Variants in NTN1 observed in about 807,000 individuals in gnomAD.
The protein encoded by NTN1 is netrin 1, also known as netrin-1.
Under a neutral mutation model 54.2 loss-of-function variants are expected in NTN1, and 11 were observed. That is an observed-to-expected ratio of 0.20 (90% CI 0.13 to 0.34). The LOEUF (loss-of-function observed/expected upper bound fraction) is 0.34. NTN1 is among the 10% of genes least tolerant of loss of function. NTN1 has a pLI of 1.00. For synonymous variants in NTN1, 371 were observed against 382.0 expected, an observed-to-expected ratio of 0.97 and a Z score of 0.33; for missense variants, 740 against 893.1, an observed-to-expected ratio of 0.83 and a Z score of 2.18.
At chr17:9,098,744 G>A (rs2092140077) in intron 2 of NTN1, among the ~76,000 whole-genome samples, 2 of 152,152 alleles carry the variant, frequency 1.3e-5, no homozygotes, top group African/African-American at 2.4e-5. Flanking sequence ...AATCGTAGGG[G>A]AGATTATGGT....
intron 2 of NTN1, among the ~76,000 whole-genome samples, chr17:9,161,645 G>T (rs1032616050): frequency 6.6e-6 from 1 of 152,156 alleles, no homozygotes; most frequent in African/African-American, 2.4e-5. Flanking sequence ...TGGCGTGGTG[G>T]TGTGCACCTG....
chr17:9,174,319 T>A (rs1294665244), intron 3 of NTN1: 2 of 152,002 alleles, frequency 1.3e-5, no homozygotes, highest in Non-Finnish European at 2.9e-5. Context: ...ATTGGTGGAG[T>A]GGTGGGGCAG....
chr17:9,208,681 C>G (rs562400918), intron 5 of NTN1, among the ~76,000 whole-genome samples: 1 of 152,336 alleles, frequency 6.6e-6, no homozygotes, highest in African/African-American at 2.4e-5. Flanking sequence ...AGCTTAGGTC[C>G]TGTTTTTTCC....
chr17:9,187,497 G>A (rs2142323887), intron 5 of NTN1, among the ~76,000 whole-genome samples: 1 of 152,204 alleles, frequency 6.6e-6, no homozygotes, highest in South Asian at 2.1e-4. Flanking sequence ...TATCTATACA[G>A]GGACTATTAT....
chr17:9,141,832 C>T (rs1456120591), intron 2 of NTN1, among the ~76,000 whole-genome samples: 4 of 151,996 alleles, frequency 2.6e-5, no homozygotes, highest in African/African-American at 4.8e-5. Context: ...GAAGCTGAGG[C>T]GGGTGGATCA....
At chr17:9,204,308 C>T (rs939186175) in intron 5 of NTN1, among the ~76,000 whole-genome samples, 3 of 124,294 alleles carry the variant, frequency 2.4e-5, no homozygotes, top group Non-Finnish European at 4.9e-5. Context: ...CTCTCTCTCT[C>T]TTTCTTTCTG....
chr17:9,021,246 C>T (rs2091845848), upstream of NTN1, among the ~76,000 whole-genome samples: 2 of 151,444 alleles, frequency 1.3e-5, no homozygotes. Flanking sequence ...CCACGGGGTG[C>T]GCGCCTGGCC....
rs918724764 is a variant in NTN1, at chr17:9,163,123, ATCTC to A, written c.1207+130_1207+133del. The A allele has an allele frequency of 1.4e-5, 12 of 865,980 alleles. No homozygotes were observed. The African/African-American group carries it at 1.6e-4, about 11-fold the overall frequency. The allele number at this position is 865,980 out of a possible 1,614,324, so 53.6% of individuals were successfully genotyped here. A position where few individuals can be genotyped will look rare whatever the true frequency, so the allele number is the denominator to read the frequency against. On this transcript the variant is annotated intron_variant, in intron 3 of 6. Transcript: ENST00000173229. ...GTACAAATTGGCGTTGTCTGAGGTC[ATCTC>A]TCTCTCTTTCTCTCTCTGTGACACA...
At chr17:9,019,042 A>G (rs1040751051), upstream of NTN1, among the ~76,000 whole-genome samples, 11 of 152,222 alleles carry the variant, frequency 7.2e-5, no homozygotes, top group African/African-American at 2.7e-4. Context: ...TGTGTAATGA[A>G]CATGGTCTCC....
At chr17:9,096,667 A>G (rs7214848) in intron 2 of NTN1, among the ~76,000 whole-genome samples, 108,610 of 152,020 alleles carry the variant, frequency 0.71, 39,347 homozygotes, top group East Asian at 0.96. Context: ...CACCGCACCC[A>G]GCCCATCATA....
chr17:9,202,055 C>CACACACGCAA (rs1555575849), intron 5 of NTN1, among the ~76,000 whole-genome samples: 1 of 48,316 alleles, frequency 2.1e-5, no homozygotes, highest in Non-Finnish European at 3.4e-5. Flanking sequence ...CACACACACA[C>CACACACGCAA]AAAAAAAAAA....
chr17:9,058,185 C>T (rs34613904), intron 2 of NTN1, among the ~76,000 whole-genome samples: 4 of 152,110 alleles, frequency 2.6e-5, no homozygotes, highest in African/African-American at 4.8e-5. Flanking sequence ...CCACTATGTT[C>T]GTCCTATTTA....
intron 2 of NTN1, among the ~76,000 whole-genome samples, chr17:9,146,886 T>C (rs2092315103): frequency 6.6e-6 from 1 of 152,094 alleles, no homozygotes; most frequent in Non-Finnish European, 1.5e-5. Context: ...ATGTCCAAAA[T>C]ACTCAGTAGC....
Position 9,048,317 on chromosome 17 carries a change from T to G in NTN1, c.1018+24926T>G, listed in dbSNP as rs920905283. Among the ~76,000 whole-genome samples the G allele has an allele frequency of 1.3e-4, 8 of 59,374 alleles. No homozygotes were observed. The East Asian group carries it at 0.026, about 192-fold the overall frequency. The allele number at this position is 59,374 out of a possible 152,430, so 39.0% of individuals were successfully genotyped here. A position where few individuals can be genotyped will look rare whatever the true frequency, so the allele number is the denominator to read the frequency against. ...GCAGTAATATTTTGAAAGGAATCTT[T>G]TTTTTTTTTTTCTTTCTGAGCAGTA... On this transcript the variant is annotated intron_variant, in intron 2 of 6. Transcript: ENST00000173229.
intron 2 of NTN1, among the ~76,000 whole-genome samples, chr17:9,068,471 T>A (rs2092022442): frequency 6.6e-6 from 1 of 151,058 alleles, no homozygotes; most frequent in South Asian, 2.1e-4. Context: ...AGGTGTGAGC[T>A]GCTGCACCTG....
chr17:9,195,931 G>A (rs568427229), intron 5 of NTN1, among the ~76,000 whole-genome samples: 1 of 152,146 alleles, frequency 6.6e-6, no homozygotes, highest in Admixed American at 6.5e-5. Flanking sequence ...CATGGGTTTT[G>A]AGTATTTCAC....
chr17:9,096,716 G>T (rs1362245788), intron 2 of NTN1, among the ~76,000 whole-genome samples: 1 of 151,960 alleles, frequency 6.6e-6, no homozygotes, highest in Non-Finnish European at 1.5e-5. Context: ...TTTCTTTTCT[G>T]CCATTCATTC....
intron 2 of NTN1, among the ~76,000 whole-genome samples, chr17:9,095,789 T>C (rs372823744): frequency 3.2e-4 from 40 of 126,124 alleles, no homozygotes; most frequent in African/African-American, 1.1e-3. Flanking sequence ...ATCTTTATAA[T>C]TTTTTTCTTT....
At chr17:9,074,345 C>T (rs532273012) in intron 2 of NTN1, among the ~76,000 whole-genome samples, 13 of 152,312 alleles carry the variant, frequency 8.5e-5, no homozygotes, top group Admixed American at 5.9e-4. Flanking sequence ...CGTCTCTCTG[C>T]GCGTGGCCTT....
Sources: gnomAD v4.1 joint callset for allele counts (sites outside exome capture counted in the v4.1 genomes callset) on GRCh38, gnomAD v4.1.1 for gene constraint, MANE v1.5 for transcripts, NCBI Gene and HGNC (gene_info 2026-07-23, HGNC 2026-07-21) for gene names.